OGDH: variants seen among roughly 807,000 people sequenced by gnomAD.
OGDH encodes the protein 2-oxoglutarate dehydrogenase complex component E1.
A neutral mutation model predicts 116.6 loss-of-function variants in OGDH; 38 were observed. That is an observed-to-expected ratio of 0.33 (90% confidence interval 0.25 to 0.43). The LOEUF is 0.43. OGDH is among the 20% of genes least tolerant of loss of function. OGDH has a pLI of 1.00. For synonymous variants in OGDH, 488 were observed against 533.3 expected (o/e 0.92, Z 1.17); for missense variants, 825 against 1,357.2 (o/e 0.61, Z 6.16).
rs186131451 is a variant in OGDH, at chr7:44,696,866, A to T, written c.1901-48A>T. 5.2e-4 allele frequency: 801 copies of T among 1,554,202 alleles called. 4 individuals are homozygous for T. In the African/African-American group the frequency reaches 9.7e-3, roughly 19 times the overall value. ...GGGCACGCTGAGAAGCAAGGCAGGCATGTGCAGGCAGGGCCTGCAGCAGCT... is the reference window on the plus strand; with the variant it reads ...GGGCACGCTGAGAAGCAAGGCAGGCTTGTGCAGGCAGGGCCTGCAGCAGCT... On this transcript the variant is annotated intron_variant, in intron 14 of 22. Transcript: ENST00000222673.
chr7:44,637,993 C>T (rs1785750299), intron 2 of OGDH, among the ~76,000 whole-genome samples: 1 of 152,150 alleles, frequency 6.6e-6, no homozygotes, highest in Non-Finnish European at 1.5e-5. Context: ...TCCCCTGGCC[C>T]AGGACCCCTC....
At chr7:44,630,320 A>G (rs960035261) in intron 2 of OGDH, among the ~76,000 whole-genome samples, 1 of 152,314 alleles carries the variant, frequency 6.6e-6, no homozygotes. Flanking sequence ...GGCTTCCCAC[A>G]GTGGGTATGT....
Position 44,623,760 on chromosome 7 carries a change from C to T in OGDH, c.-27-557C>T, listed in dbSNP as rs113728919. ...TACCAGGTTCAAGCAATTCTCCTGCCTCAGCCTCCCAAGTATCTGGGTCTA... is the reference window on the plus strand; with the variant it reads ...TACCAGGTTCAAGCAATTCTCCTGCTTCAGCCTCCCAAGTATCTGGGTCTA... On this transcript the variant is annotated intron_variant, in intron 1 of 22. Coordinates refer to ENST00000222673, the MANE Select transcript of OGDH (RefSeq NM_002541.4). Among the ~76,000 whole-genome samples, 246 of 152,244 alleles carry T rather than the reference C, an allele frequency of 1.6e-3. 2 individuals are homozygous for T. The highest frequency in any genetic ancestry group is 5.4e-3 in the African/African-American group (225 of 41,544).
At position 44,697,641 on chromosome 7, in the gene OGDH, C is replaced by A. The variant is rs1465004505; in HGVS notation, c.2217C>A (p.Ala739=). ...ELGFAMASPN[A]LVLWEAQFGD... Reference sequence around the variant, plus strand: ...GCTTCGCCATGGCCAGTCCTAATGCCCTGGTCCTCTGGGAAGCCCAATTTG... The same window carrying A: ...GCTTCGCCATGGCCAGTCCTAATGCACTGGTCCTCTGGGAAGCCCAATTTG... The change falls in exon 17 of 23, where the codon GCC becomes GCA. Residue 739 remains alanine (A), a synonymous_variant. Transcript: ENST00000222673. The surrounding 1 kb of genome is among the most constrained non-coding windows in gnomAD (Gnocchi z 6.0). The A allele has an allele frequency of 1.2e-6, 2 of 1,614,114 alleles. No individual in the cohort carries two copies. Among genetic ancestry groups the A allele is most frequent in the Admixed American group, 1.7e-5 (1 of 59,998 alleles).
intron 9 of OGDH, among the ~76,000 whole-genome samples, chr7:44,677,714 CA>C (rs1231176513): frequency 5.4e-5 from 8 of 147,342 alleles, no homozygotes; most frequent in Admixed American, 6.8e-5. Flanking sequence ...ACTAAAAATA[CA>C]AAAAAAAAAT....
intron 4 of OGDH, among the ~76,000 whole-genome samples, chr7:44,664,078 A>G (rs1355891580): frequency 6.6e-6 from 1 of 152,064 alleles, no homozygotes; most frequent in Non-Finnish European, 1.5e-5. Context: ...GGGTCTTGTT[A>G]TGAATTATAG....
At chr7:44,615,701 C>T (rs941408139) in intron 1 of OGDH, among the ~76,000 whole-genome samples, 20 of 152,096 alleles carry the variant, frequency 1.3e-4, no homozygotes, top group Non-Finnish European at 2.1e-4. Flanking sequence ...GTAGGCTTCT[C>T]GAGTACCCAG....
At chr7:44,622,384 T>C (rs1487569687) in intron 1 of OGDH, among the ~76,000 whole-genome samples, 1 of 152,210 alleles carries the variant, frequency 6.6e-6, no homozygotes, top group Non-Finnish European at 1.5e-5. Context: ...GGGGTAAAGA[T>C]TGCATTCCCT....
At chr7:44,659,461 G>T (rs1786840409) in intron 4 of OGDH, among the ~76,000 whole-genome samples, 1 of 152,144 alleles carries the variant, frequency 6.6e-6, no homozygotes, top group Non-Finnish European at 1.5e-5. Context: ...AAATAGAATT[G>T]GTGTTAACTC....
At chr7:44,673,294 G>T (rs989743958) in intron 5 of OGDH, among the ~76,000 whole-genome samples, 1 of 152,066 alleles carries the variant, frequency 6.6e-6, no homozygotes, top group African/African-American at 2.4e-5. Flanking sequence ...CTCCCGCCTC[G>T]ATGACAGAGA....
intron 10 of OGDH, among the ~76,000 whole-genome samples, chr7:44,688,377 TAAAG>T (rs1788222724): frequency 6.7e-6 from 1 of 148,402 alleles, no homozygotes; most frequent in African/African-American, 2.5e-5. Context: ...TCTCAAAAAA[TAAAG>T]AAATAAAATA....
At chr7:44,638,393 A>G (rs546068383) in intron 2 of OGDH, among the ~76,000 whole-genome samples, 1 of 152,346 alleles carries the variant, frequency 6.6e-6, no homozygotes, top group East Asian at 1.9e-4. Flanking sequence ...TCATGAGTGA[A>G]AAACTGTTTC....
intron 6 of OGDH, 75 bp downstream of exon 6, chr7:44,674,016 G>A: frequency 6.4e-7 from 1 of 1,574,424 alleles, no homozygotes; most frequent in South Asian, 1.1e-5. Flanking sequence ...GATCGGGCCT[G>A]TGTGCAGCCT....
chr7:44,677,221 C>G (rs1444434145), intron 9 of OGDH, among the ~76,000 whole-genome samples: 1 of 152,142 alleles, frequency 6.6e-6, no homozygotes, highest in Non-Finnish European at 1.5e-5. Flanking sequence ...GAAGGCATCA[C>G]CACTTTTCTC....
In OGDH at chr7:44,669,145, C is replaced by CTTTTTTT. The variant is rs869250474; in HGVS notation, c.633+2313_633+2319dup. ...GAGTCCCCTGTGGGGAGCCCGGCAGCTTTTTTTTTTTTTTTTTTTTTTTTT... is the reference window on the plus strand; with the variant it reads ...GAGTCCCCTGTGGGGAGCCCGGCAGCTTTTTTTTTTTTTTTTTTTTTTTTTTTTTTTT... On this transcript the variant is annotated intron_variant, in intron 5 of 22. Transcript: ENST00000222673. Among the ~76,000 whole-genome samples the CTTTTTTT allele has an allele frequency of 5.3e-4, 41 of 77,804 alleles. 5 individuals are homozygous for CTTTTTTT. The highest frequency in any genetic ancestry group is 2.3e-3 in the African/African-American group (31 of 13,674). 51.0% of individuals were successfully genotyped at this position (77,804 alleles called of 152,430 possible). A position where few individuals can be genotyped will look rare whatever the true frequency, so the allele number is the denominator to read the frequency against.
intron 1 of OGDH, among the ~76,000 whole-genome samples, chr7:44,611,466 G>A (rs906027489): frequency 7.9e-5 from 12 of 151,650 alleles, no homozygotes; most frequent in African/African-American, 2.4e-4. Flanking sequence ...TAGTAGAGAC[G>A]GGGTTTCACT....
At chr7:44,638,786 C>G (rs1785789485) in intron 2 of OGDH, among the ~76,000 whole-genome samples, 1 of 152,232 alleles carries the variant, frequency 6.6e-6, no homozygotes, top group Admixed American at 6.5e-5. Flanking sequence ...TTCCAGGTGT[C>G]TCTTCATGCT....
At chr7:44,651,796 G>T (rs1287967986) in intron 4 of OGDH, among the ~76,000 whole-genome samples, 1 of 151,950 alleles carries the variant, frequency 6.6e-6, no homozygotes, top group Admixed American at 6.6e-5. Context: ...CCTGACCTCA[G>T]GTGATCCACC....
At chr7:44,638,784 G>T (rs1395342974) in intron 2 of OGDH, among the ~76,000 whole-genome samples, 1 of 152,210 alleles carries the variant, frequency 6.6e-6, no homozygotes, top group African/African-American at 2.4e-5. Flanking sequence ...CCTTCCAGGT[G>T]TCTCTTCATG....
Sources: allele counts gnomAD v4.1 joint callset (sites outside exome capture counted in the v4.1 genomes callset), GRCh38; gene constraint gnomAD v4.1.1; non-coding constraint Gnocchi (gnomAD v3.1); transcripts MANE v1.5; gene names NCBI Gene and HGNC (gene_info 2026-07-23, HGNC 2026-07-21).